The following CFAP54 variants were observed in gnomAD, a reference collection of about 807,000 sequenced individuals.
CFAP54 encodes cilia and flagella associated protein 54, also known as cilia- and flagella-associated protein 54.
In CFAP54, 290 loss-of-function variants were observed where a neutral mutation model predicts 370.4. The observed-to-expected ratio is 0.78, with a 90% CI of 0.71 to 0.86. CFAP54 has a LOEUF of 0.86. Among genes scored for constraint, CFAP54 ranks in the 40% least tolerant of loss-of-function variants. The pLI is 0.00. For synonymous variants in CFAP54, 1,206 were observed against 1,236.5 expected, an observed-to-expected ratio of 0.98 and a Z score of 0.52; for missense variants, 3,399 against 3,528.7, an observed-to-expected ratio of 0.96 and a Z score of 0.93.
chr12:96,865,739 C>T (rs969545435), intron 67 of CFAP54, among the ~76,000 whole-genome samples: 1 of 152,070 alleles, frequency 6.6e-6, no homozygotes, highest in East Asian at 1.9e-4. Flanking sequence ...ATTGGCTCGC[C>T]TATCAGTAAA....
At chr12:96,634,707 G>A (rs1021005562) in intron 32 of CFAP54, among the ~76,000 whole-genome samples, 7 of 151,984 alleles carry the variant, frequency 4.6e-5, no homozygotes, top group African/African-American at 1.7e-4. Flanking sequence ...TAAGTTTTAT[G>A]GTTTCATGTT....
chr12:96,762,091 T>C (rs1470446421), intron 58 of CFAP54, among the ~76,000 whole-genome samples: 1 of 152,222 alleles, frequency 6.6e-6, no homozygotes, highest in Non-Finnish European at 1.5e-5. Context: ...GACTGTCTCT[T>C]CATTTATTCT....
chr12:96,843,055 C>T (rs1470763601), intron 66 of CFAP54, among the ~76,000 whole-genome samples: 1 of 152,164 alleles, frequency 6.6e-6, no homozygotes, highest in Non-Finnish European at 1.5e-5. Flanking sequence ...AAGGTCTGTC[C>T]TCTGGTTTGC....
At chr12:96,586,548 G>C (rs1022302743) in intron 22 of CFAP54, among the ~76,000 whole-genome samples, 12 of 152,168 alleles carry the variant, frequency 7.9e-5, no homozygotes, top group African/African-American at 2.9e-4. Context: ...TCTGGGGGAA[G>C]AGCATTTACA....
At chr12:96,698,729 A>G (rs1356707521) in intron 45 of CFAP54, among the ~76,000 whole-genome samples, 1 of 152,180 alleles carries the variant, frequency 6.6e-6, no homozygotes, top group African/African-American at 2.4e-5. Flanking sequence ...ATTGGGTACT[A>G]TACTTGTCAC....
Position 96,875,129 on chromosome 12 carries a change from C to T in CFAP54, c.*26C>T, listed in dbSNP as rs937514828. The stretch of plus-strand genomic sequence containing the variant: ...TTTTCCTCCTCTAGGGATGATAAAA[C>T]TGAGAAATAAATCAAGAGTATGACA... On this transcript the variant is annotated 3_prime_UTR_variant, in exon 68 of 68. Transcript: ENST00000524981. 1 of 152,090 alleles carries T rather than the reference C, an allele frequency of 6.6e-6. No homozygotes were observed. The highest frequency in any genetic ancestry group is 2.1e-4 in the South Asian group (1 of 4,830). 9.4% of individuals were successfully genotyped at this position (152,090 alleles called of 1,614,324 possible).
chr12:96,501,967 A>G (rs903030256), intron 2 of CFAP54, among the ~76,000 whole-genome samples: 3 of 152,216 alleles, frequency 2.0e-5, no homozygotes, highest in African/African-American at 4.8e-5. Flanking sequence ...TGTAAGTGGA[A>G]TAAGAGTTTT....
chr12:96,616,339 A>G (rs1235734083), intron 26 of CFAP54, among the ~76,000 whole-genome samples: 1 of 150,990 alleles, frequency 6.6e-6, no homozygotes, highest in Non-Finnish European at 1.5e-5. Context: ...AGGAAAGGGA[A>G]CATCACACAC....
chr12:96,658,129 T>G, intron 37 of CFAP54, 24 bp downstream of exon 37: 3 of 1,585,574 alleles, frequency 1.9e-6, no homozygotes, highest in Non-Finnish European at 2.6e-6. Context: ...TAAGGGCAAT[T>G]AAAAGTAGAA....
At position 96,561,704 on chromosome 12, in the gene CFAP54, TACACACACACACACAC is replaced by T. The variant is rs56098924; in HGVS notation, c.2411-2736_2411-2721del. Among the ~76,000 whole-genome samples the T allele has an allele frequency of 1.7e-3, 211 of 125,372 alleles. 3 individuals carry two copies. The East Asian group carries it at 0.037, about 22-fold the overall frequency. 82.2% of individuals were successfully genotyped at this position (125,372 alleles called of 152,430 possible). On this transcript the variant is annotated intron_variant, in intron 17 of 67. Transcript: ENST00000524981. ...CCTTTTAGTAGATAGAGCTAAGAAATACACACACACACACACACACACACACACACACACACACACA... is the reference window on the plus strand; with the variant it reads ...CCTTTTAGTAGATAGAGCTAAGAAATACACACACACACACACACACACACA...
chr12:96,719,419 G>C (rs574028797), intron 49 of CFAP54, among the ~76,000 whole-genome samples: 1 of 152,088 alleles, frequency 6.6e-6, no homozygotes, highest in African/African-American at 2.4e-5. Flanking sequence ...AAGATTGGTT[G>C]GTCCCTTTAT....
At chr12:96,503,219 C>CT (rs200160539) in intron 2 of CFAP54, among the ~76,000 whole-genome samples, 1 of 133,576 alleles carries the variant, frequency 7.5e-6, no homozygotes, top group Admixed American at 7.9e-5. Context: ...CTTTCCTTTC[C>CT]TTTTTTTTCC....
Position 96,644,289 on chromosome 12 carries a change from A to T in CFAP54, c.4428A>T (p.Glu1476Asp). The change falls in exon 33 of 68, where the codon GAA becomes GAT. Residue 1476 changes from glutamate (E) to aspartate (D), a missense_variant. Transcript: ENST00000524981. The stretch of plus-strand genomic sequence containing the variant: ...AGAGGTTCCATCGTCTATCACTTGA[A>T]GAGATGCCCTGGAGAGCTCAGATGA... ...KRKRFHRLSL[E>D]EMPWRAQMNL... 6.5e-7 allele frequency: 1 copy of T among 1,535,848 alleles called. No homozygotes were observed. The highest frequency in any genetic ancestry group is 8.7e-7 in the Non-Finnish European group (1 of 1,146,660).
At chr12:96,528,887 G>A (rs1300480799) in intron 9 of CFAP54, among the ~76,000 whole-genome samples, 2 of 151,996 alleles carry the variant, frequency 1.3e-5, no homozygotes, top group African/African-American at 4.8e-5. Flanking sequence ...TTTAGGATTT[G>A]TTATTATTTA....
intron 60 of CFAP54, among the ~76,000 whole-genome samples, chr12:96,768,020 T>C (rs139414330): frequency 1.9e-3 from 289 of 152,150 alleles, no homozygotes; most frequent in Non-Finnish European, 3.1e-3. Flanking sequence ...TACCCTGAAA[T>C]GATAGACATT....
At chr12:96,550,548 G>A (rs1955683158) in intron 15 of CFAP54, among the ~76,000 whole-genome samples, 1 of 152,170 alleles carries the variant, frequency 6.6e-6, no homozygotes, top group Non-Finnish European at 1.5e-5. Context: ...CTGCACTCCA[G>A]CCTGGGCAAC....
chr12:96,561,535 T>C (rs1164472293), intron 17 of CFAP54, among the ~76,000 whole-genome samples: 2 of 152,148 alleles, frequency 1.3e-5, no homozygotes, highest in Non-Finnish European at 2.9e-5. Context: ...AAAATATTCT[T>C]GACCTATCTT....
At chr12:96,681,031 C>G (rs1047542475) in intron 40 of CFAP54, among the ~76,000 whole-genome samples, 5 of 151,754 alleles carry the variant, frequency 3.3e-5, no homozygotes, top group Non-Finnish European at 7.4e-5. Context: ...TGCAGTGAGC[C>G]GAGATTGTGC....
At chr12:96,728,053 G>T (rs1219616156) in intron 50 of CFAP54, among the ~76,000 whole-genome samples, 1 of 152,216 alleles carries the variant, frequency 6.6e-6, no homozygotes, top group East Asian at 1.9e-4. Flanking sequence ...TCCACTGTTA[G>T]TCTGATGGGC....
Sources: gnomAD v4.1 joint callset for allele counts (sites outside exome capture counted in the v4.1 genomes callset) on GRCh38, gnomAD v4.1.1 for gene constraint, MANE v1.5 for transcripts, NCBI Gene and HGNC (gene_info 2026-07-23, HGNC 2026-07-21) for gene names.